Variants in ZFAND3 observed in about 807,000 individuals in gnomAD.
ZFAND3 encodes AN1-type zinc finger protein 3.
ZFAND3 carries 10 observed loss-of-function variants against 29.6 expected under a neutral mutation model. That is an observed-to-expected ratio of 0.34 (90% CI 0.21 to 0.57). ZFAND3 has a LOEUF of 0.57. Ranked by LOEUF, ZFAND3 falls within the 20% of genes least tolerant of loss-of-function variation. The pLI, the probability that ZFAND3 is intolerant of heterozygous loss-of-function variation, is 0.86. For missense variants in ZFAND3, 230 were observed against 304.5 expected (o/e 0.76, Z 1.82); for synonymous variants, 128 against 112.6 (o/e 1.14, Z -0.87).
At chr6:37,933,442 C>T (rs547852016) in intron 2 of ZFAND3, among the ~76,000 whole-genome samples, 1 of 152,276 alleles carries the variant, frequency 6.6e-6, no homozygotes, top group South Asian at 2.1e-4. Context: ...GTGGTGAGCA[C>T]ACACCTGACC....
At chr6:37,867,922 CTAT>C (rs1222328645) in intron 1 of ZFAND3, among the ~76,000 whole-genome samples, 1 of 152,164 alleles carries the variant, frequency 6.6e-6, no homozygotes, top group African/African-American at 2.4e-5. Flanking sequence ...CCGAGAGTTG[CTAT>C]TATACCAGGG....
At chr6:37,877,664 A>G (rs928128216) in intron 1 of ZFAND3, among the ~76,000 whole-genome samples, 1 of 152,230 alleles carries the variant, frequency 6.6e-6, no homozygotes, top group Non-Finnish European at 1.5e-5. Flanking sequence ...AGAACTTTAC[A>G]TGCTTGATAT....
chr6:37,951,316 G>A (rs567216383), intron 2 of ZFAND3, among the ~76,000 whole-genome samples: 4 of 152,244 alleles, frequency 2.6e-5, no homozygotes, highest in South Asian at 4.1e-4. Context: ...ATCATGGCTG[G>A]GTGCAGTTGC....
chr6:38,032,997 A>T (rs938968745), intron 2 of ZFAND3, among the ~76,000 whole-genome samples: 8 of 152,168 alleles, frequency 5.3e-5, no homozygotes, highest in Non-Finnish European at 1.0e-4. Context: ...TGCTAATACA[A>T]AGGCTGTCAT....
At chr6:38,075,123 C>G (rs949266021) in intron 3 of ZFAND3, among the ~76,000 whole-genome samples, 1 of 152,080 alleles carries the variant, frequency 6.6e-6, no homozygotes, top group African/African-American at 2.4e-5. Flanking sequence ...ATTCTGTAGT[C>G]CATGGATTAA....
At chr6:38,111,889 T>G (rs1256712961) in intron 4 of ZFAND3, among the ~76,000 whole-genome samples, 1 of 152,206 alleles carries the variant, frequency 6.6e-6, no homozygotes, top group East Asian at 1.9e-4. Flanking sequence ...ATGTAGCTTA[T>G]ATGCAAATAC....
At chr6:38,021,463 A>G (rs916256712) in intron 2 of ZFAND3, among the ~76,000 whole-genome samples, 7 of 152,160 alleles carry the variant, frequency 4.6e-5, no homozygotes, top group Non-Finnish European at 1.0e-4. Context: ...TTAAATTTCA[A>G]TGATACCCCC....
chr6:38,111,616 A>G (rs1398484480), intron 4 of ZFAND3, among the ~76,000 whole-genome samples: 3 of 152,124 alleles, frequency 2.0e-5, no homozygotes, highest in Non-Finnish European at 2.9e-5. Flanking sequence ...AGGAAGAGAA[A>G]TTGTGTTTTC....
At position 37,925,431 on chromosome 6, in the gene ZFAND3, G is replaced by A. The variant is rs537917141; in HGVS notation, c.72-4528G>A. 2.8e-3 allele frequency among the ~76,000 whole-genome samples: 433 copies of A among 152,256 alleles called. 2 individuals are homozygous for A. The highest frequency in any genetic ancestry group is 9.8e-3 in the African/African-American group (409 of 41,544). The stretch of plus-strand genomic sequence containing the variant: ...ATCAAAAATGGTTTCTGCTGGACGC[G>A]GTGGCTCATGCCTGTAATCCCAGCA... On this transcript the variant is annotated intron_variant, in intron 1 of 5. Transcript: ENST00000287218.
rs1036727454 is a variant in ZFAND3, at chr6:37,851,494, A to G, written c.71+31478A>G. On this transcript the variant is annotated intron_variant, in intron 1 of 5. Coordinates refer to ENST00000287218, the MANE Select transcript of ZFAND3 (RefSeq NM_021943.3). ...AAATTCCTTAGTCTGCCTCCAAACT[A>G]TCTTGTTTAGCCCAGTCTCCCACCC... is the stretch of plus-strand genomic sequence containing the variant. Among the ~76,000 whole-genome samples the G allele has an allele frequency of 8.5e-5, 11 of 128,834 alleles. 1 individual carries two copies. Among genetic ancestry groups the G allele is most frequent in the Admixed American group, 3.7e-4 (5 of 13,606 alleles). 84.5% of individuals were successfully genotyped at this position (128,834 alleles called of 152,430 possible). A position where few individuals can be genotyped will look rare whatever the true frequency, so the allele number is the denominator to read the frequency against.
chr6:37,913,041 T>C (rs1392137058), intron 1 of ZFAND3, among the ~76,000 whole-genome samples: 1 of 152,190 alleles, frequency 6.6e-6, no homozygotes, highest in African/African-American at 2.4e-5. Context: ...TGCTTAAAAA[T>C]CTGCTAACAA....
At chr6:37,867,216 G>A (rs1001991112) in intron 1 of ZFAND3, among the ~76,000 whole-genome samples, 7 of 152,182 alleles carry the variant, frequency 4.6e-5, no homozygotes, top group Admixed American at 2.0e-4. Context: ...TGCATGTTGT[G>A]CAGTAAAGAA....
intron 2 of ZFAND3, among the ~76,000 whole-genome samples, chr6:38,030,430 T>C (rs1035119436): frequency 6.6e-6 from 1 of 152,120 alleles, no homozygotes; most frequent in African/African-American, 2.4e-5. Flanking sequence ...ATACAAAATA[T>C]AGAGCAATTC....
chr6:38,066,467 TGGA>T (rs1198775864), intron 3 of ZFAND3, among the ~76,000 whole-genome samples: 5 of 152,176 alleles, frequency 3.3e-5, no homozygotes, highest in Admixed American at 6.5e-5. Flanking sequence ...TGAAGAGATG[TGGA>T]GAAGTAAGAT....
intron 1 of ZFAND3, among the ~76,000 whole-genome samples, chr6:37,841,865 C>T (rs894675341): frequency 1.3e-5 from 2 of 152,162 alleles, no homozygotes; most frequent in African/African-American, 4.8e-5. Context: ...TTGACAAATG[C>T]ACATACCTGT....
At chr6:37,993,014 T>G (rs1471657864) in intron 2 of ZFAND3, among the ~76,000 whole-genome samples, 1 of 152,218 alleles carries the variant, frequency 6.6e-6, no homozygotes, top group Non-Finnish European at 1.5e-5. Flanking sequence ...AACATCAGAT[T>G]GTGCTTCTCT....
chr6:38,116,762 TG>T, intron 5 of ZFAND3, 23 bp downstream of exon 5: 1 of 1,610,378 alleles, frequency 6.2e-7, no homozygotes, highest in Non-Finnish European at 8.5e-7. Context: ...CCCAGTGGCG[TG>T]ATGGAGACTA....
chr6:37,957,777 T>C (rs1037894901), intron 2 of ZFAND3, among the ~76,000 whole-genome samples: 10 of 152,206 alleles, frequency 6.6e-5, no homozygotes, highest in African/African-American at 2.4e-4. Context: ...TACTTTTGTA[T>C]GCTAGTTGCA....
At chr6:38,070,845 G>C (rs1764440209) in intron 3 of ZFAND3, among the ~76,000 whole-genome samples, 1 of 151,850 alleles carries the variant, frequency 6.6e-6, no homozygotes, top group Non-Finnish European at 1.5e-5. Flanking sequence ...TATTAGGTGG[G>C]TTTTTTCTTT....
Sources: allele counts gnomAD v4.1 joint callset (sites outside exome capture counted in the v4.1 genomes callset), GRCh38; gene constraint gnomAD v4.1.1; transcripts MANE v1.5; gene names NCBI Gene and HGNC (gene_info 2026-07-23, HGNC 2026-07-21).